RBFOX1: variants seen among roughly 807,000 people sequenced by gnomAD.
The protein encoded by RBFOX1 is RNA binding protein fox-1 homolog 1.
In RBFOX1, 8 loss-of-function variants were observed where a neutral mutation model predicts 57.7. That is an observed-to-expected ratio of 0.14 (90% CI 0.08 to 0.25). RBFOX1 has a LOEUF of 0.25. Among genes scored for constraint, RBFOX1 ranks in the 10% least tolerant of loss-of-function variants. The pLI is 1.00. For missense variants in RBFOX1, 611 were observed against 548.5 expected (o/e 1.11, Z -1.14); for synonymous variants, 326 against 222.4 (o/e 1.47, Z -4.15).
intron 3 of RBFOX1, among the ~76,000 whole-genome samples, chr16:6,655,134 G>A (rs1417156206): frequency 1.3e-5 from 2 of 151,662 alleles, no homozygotes; most frequent in Admixed American, 6.6e-5. Context: ...AACACTTTGG[G>A]AGGCAGAGGT....
chr16:7,591,826 T>G (rs2094456636), intron 7 of RBFOX1, among the ~76,000 whole-genome samples: 1 of 152,166 alleles, frequency 6.6e-6, no homozygotes, highest in African/African-American at 2.4e-5. Flanking sequence ...CATCATCTTT[T>G]TAAAAACTGC....
Position 7,688,942 on chromosome 16 carries a change from G to A in RBFOX1, c.995+12104G>A, listed in dbSNP as rs555145445. On this transcript the variant is annotated intron_variant, in intron 14 of 15. Coordinates refer to ENST00000550418, the MANE Select transcript of RBFOX1 (RefSeq NM_018723.4). ...TCACTGCTGATTAAATACCCCCTACGTGAATGTTCCAAGCAGAACCTTAGA... is the reference window on the plus strand; with the variant it reads ...TCACTGCTGATTAAATACCCCCTACATGAATGTTCCAAGCAGAACCTTAGA... Among the ~76,000 whole-genome samples, 20 of 152,038 alleles carry A rather than the reference G, an allele frequency of 1.3e-4. No homozygotes were observed. The South Asian group carries it at 3.7e-3, about 28-fold the overall frequency.
chr16:5,588,590 G>A (rs1377625627), intron 2 of RBFOX1, among the ~76,000 whole-genome samples: 2 of 152,096 alleles, frequency 1.3e-5, no homozygotes, highest in African/African-American at 2.4e-5. Context: ...CTCTATGACC[G>A]AGTTACGTAT....
intron 2 of RBFOX1, among the ~76,000 whole-genome samples, chr16:5,563,501 A>G (rs57784892): frequency 0.026 from 3,993 of 152,296 alleles, 190 homozygotes; most frequent in African/African-American, 0.09. Context: ...ACCAAAACTA[A>G]ATATAAACCA....
Position 6,097,747 on chromosome 16 carries a change from G to T in RBFOX1, c.-127+77755G>T, listed in dbSNP as rs966161503. Among the ~76,000 whole-genome samples, 4 of 151,798 alleles carry T rather than the reference G, an allele frequency of 2.6e-5. No individual in the cohort carries two copies. In the South Asian group the frequency reaches 6.3e-4, roughly 24 times the overall value. On this transcript the variant is annotated intron_variant, in intron 1 of 15. Transcript: ENST00000550418. The surrounding 1 kb of genome is among the most constrained non-coding windows in gnomAD (Gnocchi z 5.0). ...GTGCTATACTGCCTCTGTGTCTTTGGTCTGTGTTCTCTTCTTTTTTTTTTT... is the reference window on the plus strand; with the variant it reads ...GTGCTATACTGCCTCTGTGTCTTTGTTCTGTGTTCTCTTCTTTTTTTTTTT...
At chr16:6,132,691 A>G (rs2096637997) in intron 1 of RBFOX1, among the ~76,000 whole-genome samples, 1 of 152,148 alleles carries the variant, frequency 6.6e-6, no homozygotes. Context: ...ATTTGGGAGG[A>G]AAAAGTGAGA....
chr16:5,324,198 C>G (rs1424534636), intron 1 of RBFOX1, among the ~76,000 whole-genome samples: 5 of 152,214 alleles, frequency 3.3e-5, no homozygotes, highest in Non-Finnish European at 7.3e-5. Context: ...TGCTGTGGCT[C>G]ATGCCTGTAA....
At chr16:6,430,874 T>A (rs1398636107) in intron 2 of RBFOX1, among the ~76,000 whole-genome samples, 1 of 150,814 alleles carries the variant, frequency 6.6e-6, no homozygotes, top group Non-Finnish European at 1.5e-5. Context: ...CTCATGCCTG[T>A]CACCCCAGCA....
In RBFOX1 at chr16:5,541,834, T is replaced by A. The variant is rs144375830; in HGVS notation, c.259-57068T>A. 2.6e-5 allele frequency among the ~76,000 whole-genome samples: 4 copies of A among 152,348 alleles called. No homozygotes were observed. The South Asian group carries it at 6.2e-4, about 24-fold the overall frequency. ...GGAAGGATAGGATTGGTTATTCCTC[T>A]CTTAGTTGGCTGTTCTACGGAAAGC... On this transcript the variant is annotated intron_variant, in intron 2 of 2. Transcript: ENST00000585867.
intron 1 of RBFOX1, among the ~76,000 whole-genome samples, chr16:6,063,464 GACAC>G (rs772720519): frequency 0.28 from 24,119 of 86,264 alleles, 2,481 homozygotes; most frequent in Non-Finnish European, 0.32. Flanking sequence ...CTCTTTCTCC[GACAC>G]ACACACACAC....
intron 1 of RBFOX1, among the ~76,000 whole-genome samples, chr16:6,249,980 G>C (rs1250408212): frequency 6.6e-6 from 1 of 152,028 alleles, no homozygotes; most frequent in Non-Finnish European, 1.5e-5. Context: ...AGTGGAGCAG[G>C]AAATGGCTTG....
At chr16:6,518,325 A>C (rs1397537880) in intron 2 of RBFOX1, among the ~76,000 whole-genome samples, 1 of 152,138 alleles carries the variant, frequency 6.6e-6, no homozygotes, top group African/African-American at 2.4e-5. Context: ...AAGATACGTG[A>C]TCCAGGGAAA....
intron 14 of RBFOX1, among the ~76,000 whole-genome samples, chr16:7,689,867 C>T (rs969278409): frequency 1.2e-4 from 19 of 152,066 alleles, no homozygotes; most frequent in African/African-American, 4.1e-4. Context: ...TTAAAGTCAA[C>T]TCTTAGAAGG....
At chr16:5,375,231 ACAT>A (rs1403617322) in intron 1 of RBFOX1, among the ~76,000 whole-genome samples, 1 of 152,200 alleles carries the variant, frequency 6.6e-6, no homozygotes. Flanking sequence ...GGGGAAGATG[ACAT>A]GTGATAATTT....
chr16:6,922,356 C>T (rs1329028399), intron 3 of RBFOX1, among the ~76,000 whole-genome samples: 1 of 152,100 alleles, frequency 6.6e-6, no homozygotes, highest in African/African-American at 2.4e-5. Flanking sequence ...ATGCTGCAGC[C>T]CCTTGCAAGC....
At chr16:6,762,893 A>G (rs758517533) in intron 3 of RBFOX1, among the ~76,000 whole-genome samples, 2 of 152,194 alleles carry the variant, frequency 1.3e-5, no homozygotes, top group Non-Finnish European at 2.9e-5. Context: ...AAGTGGGTAC[A>G]AAGAGAATTT....
Position 7,049,773 on chromosome 16 carries a change from G to A in RBFOX1, c.-15-2284G>A, listed in dbSNP as rs188704341. On this transcript the variant is annotated intron_variant, in intron 3 of 15. Coordinates refer to ENST00000550418, the MANE Select transcript of RBFOX1 (RefSeq NM_018723.4). ...TATACAGATTTCCTTGCTGCATTCA[G>A]TGGGGGAAACAGGATGAAGTGTTTT... 2.8e-3 allele frequency among the ~76,000 whole-genome samples: 428 copies of A among 152,296 alleles called. 2 individuals are homozygous for A. Among genetic ancestry groups the A allele is most frequent in the Non-Finnish European group, 3.7e-3 (249 of 68,028 alleles).
intron 4 of RBFOX1, among the ~76,000 whole-genome samples, chr16:7,338,435 A>C (rs1338949005): frequency 6.6e-6 from 1 of 152,178 alleles, no homozygotes; most frequent in East Asian, 1.9e-4. Flanking sequence ...TCACTCTGTC[A>C]CTCAGACTGG....
chr16:6,556,523 C>G (rs995324130), intron 2 of RBFOX1, among the ~76,000 whole-genome samples: 1 of 152,150 alleles, frequency 6.6e-6, no homozygotes, highest in African/African-American at 2.4e-5. Context: ...TTAAGGCCCA[C>G]AGACAATGAA....
Sources: allele counts gnomAD v4.1 joint callset (sites outside exome capture counted in the v4.1 genomes callset), GRCh38; gene constraint gnomAD v4.1.1; non-coding constraint Gnocchi (gnomAD v3.1); transcripts MANE v1.5; gene names NCBI Gene and HGNC (gene_info 2026-07-23, HGNC 2026-07-21).